CNTNAP2: variants seen among roughly 807,000 people sequenced by gnomAD.
CNTNAP2 encodes contactin-associated protein-like 2.
Under a neutral mutation model 155.2 loss-of-function variants are expected in CNTNAP2, and 98 were observed. The ratio of observed to expected loss-of-function variants is 0.63; its 90% confidence interval spans 0.54 to 0.75. CNTNAP2 has a LOEUF of 0.75. CNTNAP2 is among the 30% of genes least tolerant of loss of function. The pLI, the probability that CNTNAP2 is intolerant of heterozygous loss-of-function variation, is 0.00. For synonymous variants in CNTNAP2, 651 were observed against 631.2 expected, an observed-to-expected ratio of 1.03 and a Z score of -0.47; for missense variants, 1,727 against 1,688.1, an observed-to-expected ratio of 1.02 and a Z score of -0.40.
intron 15 of CNTNAP2, chr7:148,014,290 AAAACC>A (rs1410825983): frequency 4.0e-5 from 6 of 148,852 alleles, no homozygotes; most frequent in East Asian, 4.0e-4. Context: ...AAAAAAAAAA[AAAACC>A]ACCTCTCTTT....
At chr7:147,165,168 AT>A (rs11377733) in intron 8 of CNTNAP2, among the ~76,000 whole-genome samples, 31 of 151,346 alleles carry the variant, frequency 2.0e-4, no homozygotes, top group Non-Finnish European at 4.1e-4. Context: ...GTATTTTTTG[AT>A]TTTTTTTTCT....
chr7:147,230,681 A>G (rs948602101), intron 8 of CNTNAP2, among the ~76,000 whole-genome samples: 3 of 152,130 alleles, frequency 2.0e-5, no homozygotes, highest in South Asian at 2.1e-4. Context: ...TGTACATTAG[A>G]CCTCTAGAAC....
intron 22 of CNTNAP2, among the ~76,000 whole-genome samples, chr7:148,394,082 T>G (rs1799413151): frequency 6.6e-6 from 1 of 152,172 alleles, no homozygotes; most frequent in Non-Finnish European, 1.5e-5. Flanking sequence ...TTATGGCTTT[T>G]GGGTTTTGTG....
intron 9 of CNTNAP2, among the ~76,000 whole-genome samples, chr7:147,373,413 T>G (rs933639047): frequency 1.3e-5 from 2 of 152,104 alleles, no homozygotes; most frequent in Non-Finnish European, 2.9e-5. Context: ...GAATTTTAGG[T>G]AGGTGCACAA....
intron 11 of CNTNAP2, among the ~76,000 whole-genome samples, chr7:147,532,627 A>G (rs893048866): frequency 2.0e-5 from 3 of 152,200 alleles, no homozygotes; most frequent in Admixed American, 6.5e-5. Context: ...CATGCTGCTG[A>G]TGAAGACATA....
intron 13 of CNTNAP2, among the ~76,000 whole-genome samples, chr7:147,838,904 C>A (rs1312827477): frequency 6.6e-6 from 1 of 152,004 alleles, no homozygotes; most frequent in Non-Finnish European, 1.5e-5. Flanking sequence ...TATTAGGGTT[C>A]TCTAGAGGGA....
intron 1 of CNTNAP2, among the ~76,000 whole-genome samples, chr7:146,497,288 A>G (rs750244488): frequency 3.3e-5 from 5 of 152,152 alleles, no homozygotes; most frequent in Non-Finnish European, 7.3e-5. Context: ...TCTGAAAAAC[A>G]TTTACTAGTT....
intron 18 of CNTNAP2, among the ~76,000 whole-genome samples, chr7:148,198,092 G>A (rs1234618620): frequency 6.6e-6 from 1 of 152,208 alleles, no homozygotes; most frequent in Non-Finnish European, 1.5e-5. Context: ...TGAAGGGAAC[G>A]ATGTCAGGCA....
At chr7:146,307,188 GACAA>G (rs1451915507) in intron 1 of CNTNAP2, among the ~76,000 whole-genome samples, 57 of 151,964 alleles carry the variant, frequency 3.8e-4, no homozygotes, top group Non-Finnish European at 6.8e-4. Context: ...ACCAATAACA[GACAA>G]ACAGAGAGCC....
chr7:148,413,028 G>T (rs915053768), intron 23 of CNTNAP2, among the ~76,000 whole-genome samples: 2 of 152,032 alleles, frequency 1.3e-5, no homozygotes, highest in African/African-American at 4.8e-5. Context: ...TGCATTCCTA[G>T]GATTAACATT....
In CNTNAP2 at chr7:146,952,113, G is replaced by C. The variant is rs565127552; in HGVS notation, c.403-91794G>C. 9.5e-4 allele frequency among the ~76,000 whole-genome samples: 145 copies of C among 152,150 alleles called. 1 individual carries two copies. Among genetic ancestry groups the C allele is most frequent in the African/African-American group, 3.2e-3 (131 of 41,524 alleles). ...GACAGCTTCATCCCTGGGATGCAAG[G>C]CTGGTTCAACATACACAAATCAATA... On this transcript the variant is annotated intron_variant, in intron 3 of 23. Coordinates refer to ENST00000361727, the MANE Select transcript of CNTNAP2 (RefSeq NM_014141.6).
At chr7:148,118,343 G>T in intron 16 of CNTNAP2, 55 bp downstream of exon 16, 2 of 1,589,088 alleles carry the variant, frequency 1.3e-6, no homozygotes, top group Non-Finnish European at 1.7e-6. Flanking sequence ...ACCTCAGGGT[G>T]GTCCGGGTCC....
At chr7:146,841,471 C>T (rs114977856) in intron 3 of CNTNAP2, among the ~76,000 whole-genome samples, 3 of 152,112 alleles carry the variant, frequency 2.0e-5, no homozygotes, top group Non-Finnish European at 4.4e-5. Flanking sequence ...ACAGACCCTT[C>T]TAACACCCAG....
At chr7:146,447,659 A>G (rs779447482) in intron 1 of CNTNAP2, among the ~76,000 whole-genome samples, 21 of 151,988 alleles carry the variant, frequency 1.4e-4, no homozygotes, top group Non-Finnish European at 2.5e-4. Flanking sequence ...CCTGTGCTAT[A>G]AATTCAGGTT....
At chr7:148,022,722 T>C (rs1239836737) in intron 15 of CNTNAP2, among the ~76,000 whole-genome samples, 2 of 152,058 alleles carry the variant, frequency 1.3e-5, no homozygotes, top group Admixed American at 6.5e-5. Flanking sequence ...TGGTTTTTTT[T>C]TGGACTCTGC....
rs374874900 is a variant in CNTNAP2, at chr7:146,888,068, T to C, written c.402+48164T>C. ...AGCCAATGAATTAATCTATCATCCA[T>C]TGACATTAGATCATTAGCCTCAAGG... is the stretch of plus-strand genomic sequence containing the variant. On this transcript the variant is annotated intron_variant, in intron 3 of 23. Transcript: ENST00000361727. Among the ~76,000 whole-genome samples the C allele has an allele frequency of 1.4e-4, 22 of 152,248 alleles. No individual in the cohort carries two copies. In the South Asian group the frequency reaches 4.4e-3, roughly 30 times the overall value.
intron 8 of CNTNAP2, among the ~76,000 whole-genome samples, chr7:147,281,635 A>G (rs1805037045): frequency 1.3e-5 from 2 of 151,960 alleles, no homozygotes; most frequent in African/African-American, 2.4e-5. Context: ...AATACTACTA[A>G]TATATTCACA....
chr7:148,299,181 A>G (rs1203817958), intron 21 of CNTNAP2, among the ~76,000 whole-genome samples: 10 of 152,022 alleles, frequency 6.6e-5, no homozygotes, highest in East Asian at 5.8e-4. Context: ...TAGTAGAGAC[A>G]GGGCTTCACC....
chr7:147,920,919 C>T (rs1391143648), intron 14 of CNTNAP2, among the ~76,000 whole-genome samples: 5 of 149,854 alleles, frequency 3.3e-5, no homozygotes, highest in Non-Finnish European at 7.4e-5. Flanking sequence ...AAGCAATTCT[C>T]CTGCCTCAGC....
Sources: gnomAD v4.1 joint callset for allele counts (sites outside exome capture counted in the v4.1 genomes callset) on GRCh38, gnomAD v4.1.1 for gene constraint, MANE v1.5 for transcripts, NCBI Gene and HGNC (gene_info 2026-07-23, HGNC 2026-07-21) for gene names.